The following PRICKLE1 variants were observed in gnomAD, a reference collection of about 807,000 sequenced individuals.
PRICKLE1 encodes prickle planar cell polarity protein 1, also known as prickle-like protein 1.
Under a neutral mutation model 70.2 loss-of-function variants are expected in PRICKLE1, and 14 were observed. The observed-to-expected ratio is 0.20, with a 90% confidence interval of 0.13 to 0.31. The LOEUF (loss-of-function observed/expected upper bound fraction) is 0.31. Ranked by LOEUF, PRICKLE1 falls within the 10% of genes least tolerant of loss-of-function variation. PRICKLE1 has a pLI of 1.00. For missense variants in PRICKLE1, 821 were observed against 1,026.2 expected, an observed-to-expected ratio of 0.80 and a Z score of 2.73; for synonymous variants, 357 against 379.9, an observed-to-expected ratio of 0.94 and a Z score of 0.70.
At chr12:42,572,840 A>C (rs1003999522) in intron 1 of PRICKLE1, among the ~76,000 whole-genome samples, 1 of 152,242 alleles carries the variant, frequency 6.6e-6, no homozygotes, top group Middle Eastern at 3.4e-3. Context: ...AGGAAAAAAA[A>C]TTTTAATAAA....
intron 1 of PRICKLE1, among the ~76,000 whole-genome samples, chr12:42,573,138 T>C (rs1056970051): frequency 6.6e-6 from 1 of 152,290 alleles, no homozygotes; most frequent in Non-Finnish European, 1.5e-5. Context: ...CACTAAAACA[T>C]TTAACGGCTA....
At chr12:42,505,464 C>T (rs1939392265) in intron 1 of PRICKLE1, among the ~76,000 whole-genome samples, 1 of 152,148 alleles carries the variant, frequency 6.6e-6, no homozygotes, top group South Asian at 2.1e-4. Context: ...GAGACAGAGT[C>T]TCACTCTGTT....
chr12:42,533,151 A>T (rs925610807), intron 1 of PRICKLE1, among the ~76,000 whole-genome samples: 8 of 152,020 alleles, frequency 5.3e-5, no homozygotes, highest in Non-Finnish European at 7.4e-5. Context: ...AGAGAAAAAA[A>T]CCTAGAAGGG....
chr12:42,498,062 T>A (rs983354400), intron 1 of PRICKLE1, among the ~76,000 whole-genome samples: 1 of 152,184 alleles, frequency 6.6e-6, no homozygotes, highest in African/African-American at 2.4e-5. Context: ...AGGCTCATCT[T>A]GAACTCTTAA....
At chr12:42,541,637 C>T (rs989298191) in intron 1 of PRICKLE1, among the ~76,000 whole-genome samples, 3 of 152,120 alleles carry the variant, frequency 2.0e-5, no homozygotes, top group African/African-American at 4.8e-5. Flanking sequence ...CATGCCTGGA[C>T]CCCCACTCTT....
chr12:42,512,067 G>T (rs1420467978), intron 1 of PRICKLE1, among the ~76,000 whole-genome samples: 2 of 152,066 alleles, frequency 1.3e-5, no homozygotes, highest in African/African-American at 4.8e-5. Context: ...CCAGGTTCTT[G>T]TCCTTGCTTC....
chr12:42,496,230 A>G (rs1939199781), intron 1 of PRICKLE1, among the ~76,000 whole-genome samples: 1 of 152,248 alleles, frequency 6.6e-6, no homozygotes, highest in Non-Finnish European at 1.5e-5. Context: ...GTGACCAGGT[A>G]CCTTGTCAAT....
At chr12:42,539,106 G>C (rs568921822) in intron 1 of PRICKLE1, among the ~76,000 whole-genome samples, 91 of 152,298 alleles carry the variant, frequency 6.0e-4, no homozygotes, top group African/African-American at 2.0e-3. Flanking sequence ...ATAGTATCCT[G>C]AAAGTACAAA....
intron 1 of PRICKLE1, among the ~76,000 whole-genome samples, chr12:42,572,599 G>A (rs1023354709): frequency 6.6e-6 from 1 of 151,998 alleles, no homozygotes; most frequent in African/African-American, 2.4e-5. Flanking sequence ...GGGGTAGAAG[G>A]GTCATTTGAG....
intron 1 of PRICKLE1, among the ~76,000 whole-genome samples, chr12:42,486,146 C>T (rs531428964): frequency 2.0e-5 from 3 of 152,330 alleles, no homozygotes; most frequent in African/African-American, 7.2e-5. Flanking sequence ...TCGCTCCATC[C>T]TGGTCTTTGC....
chr12:42,564,348 T>A (rs1399961391), intron 1 of PRICKLE1, among the ~76,000 whole-genome samples: 1 of 151,916 alleles, frequency 6.6e-6, no homozygotes, highest in East Asian at 1.9e-4. Flanking sequence ...GGCTCACGCC[T>A]GTAATACCAG....
intron 1 of PRICKLE1, chr12:42,482,790 GA>G: frequency 6.6e-6 from 1 of 152,584 alleles, no homozygotes; most frequent in East Asian, 1.9e-4. Context: ...CGTACTTTGG[GA>G]AAACTCAGCC....
intron 1 of PRICKLE1, among the ~76,000 whole-genome samples, chr12:42,555,134 C>T (rs1377794961): frequency 1.3e-5 from 2 of 152,090 alleles, no homozygotes; most frequent in South Asian, 2.1e-4. Context: ...GAAACCCTGT[C>T]TCCACTAAAA....
chr12:42,540,403 G>A (rs1280854435), intron 1 of PRICKLE1, among the ~76,000 whole-genome samples: 3 of 152,144 alleles, frequency 2.0e-5, no homozygotes, highest in African/African-American at 7.2e-5. Context: ...TGGTGAAATG[G>A]GAAGGCAAGG....
chr12:42,506,445 T>G (rs191135950), intron 1 of PRICKLE1, among the ~76,000 whole-genome samples: 2 of 151,474 alleles, frequency 1.3e-5, no homozygotes, highest in African/African-American at 4.8e-5. Context: ...TTAATAGAGA[T>G]GAGGTTTCAC....
chr12:42,495,884 C>T (rs1014264628), intron 1 of PRICKLE1, among the ~76,000 whole-genome samples: 2 of 152,228 alleles, frequency 1.3e-5, no homozygotes, highest in Non-Finnish European at 2.9e-5. Context: ...TGAGCCACTG[C>T]GCCCAGCCCC....
intron 1 of PRICKLE1, among the ~76,000 whole-genome samples, chr12:42,578,836 C>T (rs1347901110): frequency 3.3e-5 from 5 of 151,906 alleles, no homozygotes; most frequent in African/African-American, 1.2e-4. Context: ...GATCTTGGCT[C>T]ACTGCAACCT....
At chr12:42,552,057 T>G (rs567359849) in intron 1 of PRICKLE1, among the ~76,000 whole-genome samples, 1 of 106,858 alleles carries the variant, frequency 9.4e-6, no homozygotes, top group African/African-American at 3.7e-5. Context: ...TCAAGAAAGT[T>G]ACTTTTTTTT....
intron 1 of PRICKLE1, among the ~76,000 whole-genome samples, chr12:42,487,121 G>A (rs867606203): frequency 4.6e-5 from 7 of 152,148 alleles, no homozygotes; most frequent in African/African-American, 1.4e-4. Flanking sequence ...ATATCCAAAG[G>A]AATCACTGTA....
Sources: allele counts gnomAD v4.1 joint callset (sites outside exome capture counted in the v4.1 genomes callset), GRCh38; gene constraint gnomAD v4.1.1; transcripts MANE v1.5; gene names NCBI Gene and HGNC (gene_info 2026-07-23, HGNC 2026-07-21).